The following ABCB1 variants were observed in gnomAD, a reference collection of about 807,000 sequenced individuals.
The protein encoded by ABCB1 is ATP binding cassette subfamily B member 1, also known as ATP-dependent translocase ABCB1.
A neutral mutation model predicts 142.0 loss-of-function variants in ABCB1; 69 were observed. The observed-to-expected ratio is 0.49, with a 90% confidence interval of 0.40 to 0.59. The LOEUF is 0.59. ABCB1 is among the 20% of genes least tolerant of loss of function. The probability of loss-of-function intolerance (pLI) is 0.00; values close to 1 mark genes in which losing one functional copy is unlikely to be tolerated. For missense variants in ABCB1, 1,326 were observed against 1,554.7 expected (o/e 0.85, Z 2.47); for synonymous variants, 532 against 539.2 (o/e 0.99, Z 0.18).
chr7:87,539,714 G>C lies in ABCB1; in HGVS notation c.2320-369C>G, dbSNP rs532790325. Among the ~76,000 whole-genome samples, 69 of 152,260 alleles carry C rather than the reference G, an allele frequency of 4.5e-4. 1 individual carries two copies. The highest frequency in any genetic ancestry group is 1.5e-3 in the African/African-American group (62 of 41,536). On this transcript the variant is annotated intron_variant, in intron 18 of 27. Coordinates refer to ENST00000622132, the MANE Select transcript of ABCB1 (RefSeq NM_001348946.2). ...ATGTTACTAAGATGAGGAGTTGGGT[G>C]GTCTAACATCTTTAGGCATTTTGCT...
At chr7:87,531,945 G>C (rs1816073762) in intron 20 of ABCB1, among the ~76,000 whole-genome samples, 1 of 151,954 alleles carries the variant, frequency 6.6e-6, no homozygotes, top group Non-Finnish European at 1.5e-5. Flanking sequence ...GTTTAATTTG[G>C]AAAAAATACA....
At chr7:87,528,237 T>G (rs1240933612) in intron 21 of ABCB1, among the ~76,000 whole-genome samples, 1 of 152,188 alleles carries the variant, frequency 6.6e-6, no homozygotes, top group African/African-American at 2.4e-5. Context: ...TCTTTACAGT[T>G]GTTGACATGT....
intron 1 of ABCB1, among the ~76,000 whole-genome samples, chr7:87,687,087 C>T (rs2130623428): frequency 6.6e-6 from 1 of 152,120 alleles, no homozygotes; most frequent in East Asian, 1.9e-4. Flanking sequence ...ATTTAATCTG[C>T]TAATTATACT....
chr7:87,583,726 T>C (rs1405105062), intron 4 of ABCB1, among the ~76,000 whole-genome samples: 2 of 151,090 alleles, frequency 1.3e-5, no homozygotes, highest in African/African-American at 4.9e-5. Flanking sequence ...CTGTGTGTCT[T>C]AGTCCATTTG....
chr7:87,644,480 A>G (rs576099067), intron 1 of ABCB1, among the ~76,000 whole-genome samples: 1 of 152,308 alleles, frequency 6.6e-6, no homozygotes, highest in Admixed American at 6.5e-5. Flanking sequence ...CATATTTTGG[A>G]TACTTACGTT....
chr7:87,670,327 T>A (rs541264366), intron 1 of ABCB1, among the ~76,000 whole-genome samples: 1 of 152,244 alleles, frequency 6.6e-6, no homozygotes, highest in African/African-American at 2.4e-5. Context: ...GTCAGACCCA[T>A]TGGGTTCTGT....
chr7:87,514,796 T>A (rs1443940683), intron 25 of ABCB1, among the ~76,000 whole-genome samples: 3 of 152,258 alleles, frequency 2.0e-5, no homozygotes, highest in Admixed American at 2.0e-4. Context: ...CATTCATTGC[T>A]AGATTCTATC....
intron 1 of ABCB1, among the ~76,000 whole-genome samples, chr7:87,652,621 G>GAGATATATATATATATATATAT (rs374832268): frequency 2.9e-4 from 36 of 125,380 alleles, no homozygotes; most frequent in African/African-American, 1.2e-3. Flanking sequence ...TGTGGTCACT[G>GAGATATATATATATATATATAT]ATATATATAT....
At chr7:87,627,330 CAG>C (rs1159141871) in intron 1 of ABCB1, among the ~76,000 whole-genome samples, 1 of 152,126 alleles carries the variant, frequency 6.6e-6, no homozygotes, top group Non-Finnish European at 1.5e-5. Context: ...CATTCTTTGA[CAG>C]AAACTTCAAA....
At chr7:87,702,142 CAAAAAAAAAAAAA>C (rs146127516) in intron 1 of ABCB1, among the ~76,000 whole-genome samples, 17 of 16,776 alleles carry the variant, frequency 1.0e-3, no homozygotes, top group South Asian at 0.013. Flanking sequence ...GACTCTGTCT[CAAAAAAAAAAAAA>C]AAAAAAAAAA....
chr7:87,626,168 T>TATATATTGTCATATATATGTGTC (rs1820471508), intron 1 of ABCB1, among the ~76,000 whole-genome samples: 1 of 131,714 alleles, frequency 7.6e-6, no homozygotes, highest in Non-Finnish European at 1.6e-5. Flanking sequence ...ATATGTGTCA[T>TATATATTGTCATATATATGTGTC]ATATATTGTC....
intron 1 of ABCB1, among the ~76,000 whole-genome samples, chr7:87,608,041 T>C (rs1453863571): frequency 6.6e-6 from 1 of 152,180 alleles, no homozygotes; most frequent in Non-Finnish European, 1.5e-5. Context: ...TAGTTGGAAC[T>C]TTTTTGTTGG....
At chr7:87,612,960 C>T (rs901667504) in intron 1 of ABCB1, among the ~76,000 whole-genome samples, 1 of 147,106 alleles carries the variant, frequency 6.8e-6, no homozygotes, top group Admixed American at 6.8e-5. Context: ...ATAGTTGTTC[C>T]TTTAGAGATC....
intron 9 of ABCB1, 49 bp from the exon 10 acceptor site, chr7:87,550,887 A>G (rs766678053): frequency 1.8e-6 from 2 of 1,112,976 alleles, no homozygotes; most frequent in South Asian, 2.5e-5. Flanking sequence ...AGTGACAGCA[A>G]TTTTTTTTCA....
At chr7:87,562,713 T>C (rs1183893861) in intron 7 of ABCB1, among the ~76,000 whole-genome samples, 1 of 151,826 alleles carries the variant, frequency 6.6e-6, no homozygotes, top group East Asian at 1.9e-4. Context: ...AAAAGTATGG[T>C]TGAATCTTCA....
intron 1 of ABCB1, among the ~76,000 whole-genome samples, chr7:87,648,080 G>A (rs147481500): frequency 1.1e-4 from 17 of 151,682 alleles, no homozygotes; most frequent in Non-Finnish European, 2.5e-4. Context: ...AGCTACTCAG[G>A]AGGCTGAGGC....
At chr7:87,587,440 G>A (rs185968953) in intron 3 of ABCB1, among the ~76,000 whole-genome samples, 13 of 152,304 alleles carry the variant, frequency 8.5e-5, no homozygotes, top group African/African-American at 2.9e-4. Context: ...AAAGAAAAAT[G>A]TATATGCAAT....
At chr7:87,597,542 A>G (rs1819255410) in intron 2 of ABCB1, among the ~76,000 whole-genome samples, 1 of 152,074 alleles carries the variant, frequency 6.6e-6, no homozygotes, top group Non-Finnish European at 1.5e-5. Context: ...AGATCATACA[A>G]TTTTCTTTAC....
chr7:87,526,916 G>A (rs1484943922), intron 21 of ABCB1, among the ~76,000 whole-genome samples: 2 of 152,076 alleles, frequency 1.3e-5, no homozygotes, highest in East Asian at 3.9e-4. Flanking sequence ...AAACAGTAGA[G>A]TTAGCCTACT....
Sources: gnomAD v4.1 joint callset for allele counts (sites outside exome capture counted in the v4.1 genomes callset) on GRCh38, gnomAD v4.1.1 for gene constraint, MANE v1.5 for transcripts, NCBI Gene and HGNC (gene_info 2026-07-23, HGNC 2026-07-21) for gene names.